MARK1: variants seen among roughly 807,000 people sequenced by gnomAD.
MARK1 encodes the protein serine/threonine-protein kinase MARK1.
MARK1 carries 40 observed loss-of-function variants against 96.3 expected under a neutral mutation model. The observed-to-expected ratio is 0.42, with a 90% CI of 0.32 to 0.54. The LOEUF (loss-of-function observed/expected upper bound fraction) is 0.54, where lower values mean the gene tolerates loss of function less well. Among genes scored for constraint, MARK1 ranks in the 20% least tolerant of loss-of-function variants. The probability of loss-of-function intolerance (pLI) is 0.16; values close to 1 mark genes in which losing one functional copy is unlikely to be tolerated. For missense variants in MARK1, 719 were observed against 984.6 expected (o/e 0.73, Z 3.61); for synonymous variants, 317 against 341.2 (o/e 0.93, Z 0.78).
intron 13 of MARK1, among the ~76,000 whole-genome samples, chr1:220,643,798 A>C (rs1258527483): frequency 6.6e-6 from 1 of 152,256 alleles, no homozygotes; most frequent in Non-Finnish European, 1.5e-5. Flanking sequence ...TTTCCAACCC[A>C]GAATTTCATA....
chr1:220,632,120 A>G, intron 10 of MARK1, 81 bp from the exon 11 acceptor site: 3 of 601,020 alleles, frequency 5.0e-6, no homozygotes, highest in Non-Finnish European at 8.5e-6. Context: ...ATATTCAAAG[A>G]TGGCAAACTT....
intron 3 of MARK1, among the ~76,000 whole-genome samples, chr1:220,584,395 G>C (rs1664453729): frequency 6.6e-6 from 1 of 152,202 alleles, no homozygotes; most frequent in Admixed American, 6.5e-5. Context: ...TATAGAATGT[G>C]AATCGCTTTG....
At chr1:220,612,505 A>T (rs1666507191) in intron 6 of MARK1, among the ~76,000 whole-genome samples, 1 of 152,142 alleles carries the variant, frequency 6.6e-6, no homozygotes, top group African/African-American at 2.4e-5. Flanking sequence ...ATTTACTATA[A>T]ATTTTAAATG....
chr1:220,554,328 C>T (rs1337969070), intron 1 of MARK1, among the ~76,000 whole-genome samples: 3 of 152,268 alleles, frequency 2.0e-5, no homozygotes, highest in East Asian at 1.9e-4. Flanking sequence ...ACTAGATCAG[C>T]GCTTCTAGCT....
intron 13 of MARK1, among the ~76,000 whole-genome samples, chr1:220,649,227 CT>C (rs967100858): frequency 6.5e-4 from 96 of 146,994 alleles, no homozygotes; most frequent in East Asian, 1.4e-3. Context: ...TGGACCAAGT[CT>C]TTTTTTTTTT....
intron 1 of MARK1, among the ~76,000 whole-genome samples, chr1:220,567,290 A>C (rs1037944351): frequency 1.3e-5 from 2 of 152,170 alleles, no homozygotes; most frequent in African/African-American, 4.8e-5. Context: ...ATTGCAGTGA[A>C]TGTCTGACCT....
chr1:220,621,163 C>G (rs1336432442), intron 9 of MARK1, among the ~76,000 whole-genome samples: 1 of 151,848 alleles, frequency 6.6e-6, no homozygotes, highest in African/African-American at 2.4e-5. Context: ...GCACTTCTTG[C>G]TTTGTCATAA....
At chr1:220,633,269 T>G (rs1667768200) in intron 11 of MARK1, among the ~76,000 whole-genome samples, 1 of 152,088 alleles carries the variant, frequency 6.6e-6, no homozygotes, top group Non-Finnish European at 1.5e-5. Flanking sequence ...AACCATATCA[T>G]GAAGCATAAA....
chr1:220,593,710 A>G (rs1665142894), intron 3 of MARK1, among the ~76,000 whole-genome samples: 1 of 152,120 alleles, frequency 6.6e-6, no homozygotes, highest in Non-Finnish European at 1.5e-5. Context: ...AGGTAGGCAG[A>G]GAGGAGGCTC....
chr1:220,580,080 C>T (rs550478843), intron 2 of MARK1, among the ~76,000 whole-genome samples: 3 of 151,882 alleles, frequency 2.0e-5, no homozygotes, highest in East Asian at 1.9e-4. Flanking sequence ...CACATATGTA[C>T]GTTGTGTATA....
At chr1:220,558,180 TG>T (rs1211882473) in intron 1 of MARK1, among the ~76,000 whole-genome samples, 5 of 141,034 alleles carry the variant, frequency 3.5e-5, no homozygotes, top group African/African-American at 1.0e-4. Flanking sequence ...AATAATAATA[TG>T]GGAAATGGCA....
chr1:220,651,301 T>G (rs1436234211), intron 14 of MARK1, among the ~76,000 whole-genome samples: 1 of 152,224 alleles, frequency 6.6e-6, no homozygotes, highest in Non-Finnish European at 1.5e-5. Context: ...GAAATTATTT[T>G]CTTAGTACCA....
intron 9 of MARK1, chr1:220,626,833 A>AG: frequency 2.6e-6 from 1 of 381,772 alleles, no homozygotes; most frequent in Non-Finnish European, 5.1e-6. Flanking sequence ...AAAAAAAAAA[A>AG]AGGGTTGAGG....
intron 1 of MARK1, among the ~76,000 whole-genome samples, chr1:220,577,084 T>TC (rs145314846): frequency 0.016 from 2,381 of 151,984 alleles, 26 homozygotes; most frequent in Non-Finnish European, 0.022. Context: ...ATGATGAGAC[T>TC]CCATCTCTAC....
rs967525252 is a variant in MARK1 at position 220,663,195 on chromosome 1, A to G, written c.*1029A>G. The G allele has an allele frequency of 6.6e-6, 1 of 152,608 alleles. No individual in the cohort carries two copies. Among genetic ancestry groups the G allele is most frequent in the African/African-American group, 2.4e-5 (1 of 41,440 alleles). 9.5% of individuals were successfully genotyped at this position (152,608 alleles called of 1,614,324 possible). A position where few individuals can be genotyped will look rare whatever the true frequency, so the allele number is the denominator to read the frequency against. The stretch of plus-strand genomic sequence containing the variant: ...CTCTTCATTCACCCCTGCCACTGTA[A>G]TATCTATAAGTACTTAAGAGACTTG... On this transcript the variant is annotated 3_prime_UTR_variant, in exon 18 of 18. Coordinates refer to ENST00000366917, the MANE Select transcript of MARK1 (RefSeq NM_018650.5).
chr1:220,635,648 A>G, intron 12 of MARK1, 119 bp downstream of exon 12: 2 of 1,215,596 alleles, frequency 1.6e-6, no homozygotes, highest in Non-Finnish European at 2.3e-6. Flanking sequence ...ACAGACTTAT[A>G]TTACTGAATT....
chr1:220,631,818 T>G (rs115290687), intron 10 of MARK1, among the ~76,000 whole-genome samples: 166 of 152,112 alleles, frequency 1.1e-3, no homozygotes, highest in African/African-American at 3.9e-3. Context: ...GCAGAAAATT[T>G]TAAGAGATGA....
At chr1:220,578,005 CTT>C (rs1252615052) in intron 1 of MARK1, among the ~76,000 whole-genome samples, 1 of 152,120 alleles carries the variant, frequency 6.6e-6, no homozygotes, top group East Asian at 1.9e-4. Context: ...AGAAAAATGA[CTT>C]TGAATCATGC....
intron 9 of MARK1, among the ~76,000 whole-genome samples, chr1:220,625,214 A>T (rs994302254): frequency 8.5e-5 from 13 of 152,216 alleles, no homozygotes; most frequent in Non-Finnish European, 1.9e-4. Flanking sequence ...TACACAACTA[A>T]CTGTAATCAA....
Sources: allele counts gnomAD v4.1 joint callset (sites outside exome capture counted in the v4.1 genomes callset), GRCh38; gene constraint gnomAD v4.1.1; transcripts MANE v1.5; gene names NCBI Gene and HGNC (gene_info 2026-07-23, HGNC 2026-07-21).